The following SLC7A2 variants were observed in gnomAD, a reference collection of about 807,000 sequenced individuals.
The protein encoded by SLC7A2 is cationic amino acid transporter 2.
SLC7A2 carries 48 observed loss-of-function variants against 58.9 expected under a neutral mutation model. The observed-to-expected ratio is 0.82, with a 90% confidence interval of 0.65 to 1.04. The LOEUF (loss-of-function observed/expected upper bound fraction) is 1.04, where lower values mean the gene tolerates loss of function less well. SLC7A2 is among the 50% of genes least tolerant of loss of function. The pLI is 0.00. For missense variants in SLC7A2, 1,029 were observed against 818.8 expected, an observed-to-expected ratio of 1.26 and a Z score of -3.13; for synonymous variants, 363 against 314.5, an observed-to-expected ratio of 1.15 and a Z score of -1.63.
chr8:17,530,724 C>T (rs895824356), intron 2 of SLC7A2, among the ~76,000 whole-genome samples: 3 of 151,972 alleles, frequency 2.0e-5, no homozygotes, highest in Admixed American at 2.0e-4. Context: ...AGGGACGTGC[C>T]ACCATGCCTG....
At chr8:17,505,576 C>G (rs148820030) in intron 2 of SLC7A2, among the ~76,000 whole-genome samples, 123 of 152,244 alleles carry the variant, frequency 8.1e-4, no homozygotes, top group Middle Eastern at 6.8e-3. Context: ...GATTCTTAGA[C>G]TCGTAGATTT....
chr8:17,569,711 A>G lies in SLC7A2; in HGVS notation c.*4565A>G, dbSNP rs1010825463. The G allele has an allele frequency of 1.3e-5, 2 of 152,108 alleles. No homozygotes were observed. The highest frequency in any genetic ancestry group is 4.8e-5 in the African/African-American group (2 of 41,414). 9.4% of individuals were successfully genotyped at this position (152,108 alleles called of 1,614,324 possible). A position where few individuals can be genotyped will look rare whatever the true frequency, so the allele number is the denominator to read the frequency against. ...GTTTAGTCTTACTGATTTCAAATGCATTTTGTTATTGCTCAACCCAACTGG... is the reference window on the plus strand; with the variant it reads ...GTTTAGTCTTACTGATTTCAAATGCGTTTTGTTATTGCTCAACCCAACTGG... On this transcript the variant is annotated 3_prime_UTR_variant, in exon 13 of 13. Transcript: ENST00000494857.
At chr8:17,496,716 G>C (rs2588199), upstream of SLC7A2, among the ~76,000 whole-genome samples, 147,599 of 152,254 alleles carry the variant, frequency 0.97, 71,689 homozygotes, top group East Asian at 1. Flanking sequence ...CAAAATCTTT[G>C]TAGAATGGAA....
rs754691931 is a variant in SLC7A2, at chr8:17,569,055, A to G, written c.*3909A>G. Reference sequence around the variant, plus strand: ...TAAATGCTTAGCAGGAAGCATAAGGAAAAGCCATCGGCCTCCAATACCCAT... The same window carrying G: ...TAAATGCTTAGCAGGAAGCATAAGGGAAAGCCATCGGCCTCCAATACCCAT... On this transcript the variant is annotated 3_prime_UTR_variant, in exon 13 of 13. Coordinates refer to ENST00000494857, the MANE Select transcript of SLC7A2 (RefSeq NM_001370338.1). The G allele has an allele frequency of 6.6e-6, 1 of 152,204 alleles. No individual in the cohort carries two copies. Among genetic ancestry groups the G allele is most frequent in the African/African-American group, 2.4e-5 (1 of 41,452 alleles). 9.4% of individuals were successfully genotyped at this position (152,204 alleles called of 1,614,324 possible).
chr8:17,515,823 C>T (rs1177150743), intron 2 of SLC7A2, among the ~76,000 whole-genome samples: 2 of 152,208 alleles, frequency 1.3e-5, no homozygotes, highest in African/African-American at 4.8e-5. Flanking sequence ...AACTGTTCCA[C>T]AAAATTCCTC....
intron 2 of SLC7A2, among the ~76,000 whole-genome samples, chr8:17,505,963 T>C (rs1292752804): frequency 1.3e-5 from 2 of 152,252 alleles, no homozygotes; most frequent in Non-Finnish European, 2.9e-5. Flanking sequence ...GCTTAAGGTA[T>C]AATATTGAGA....
chr8:17,548,941 C>G (rs1802310783), intron 5 of SLC7A2, 98 bp downstream of exon 5: 1 of 972,594 alleles, frequency 1.0e-6, no homozygotes, highest in Admixed American at 2.3e-5. Flanking sequence ...AAAGACATAC[C>G]CATGACTGGG....
chr8:17,525,991 ACTAG>A (rs1801208065), intron 2 of SLC7A2, among the ~76,000 whole-genome samples: 1 of 152,170 alleles, frequency 6.6e-6, no homozygotes, highest in Admixed American at 6.6e-5. Context: ...TTCCCTCATG[ACTAG>A]CTAGTGGACT....
At chr8:17,560,919 A>C (rs1178229203) in intron 10 of SLC7A2, among the ~76,000 whole-genome samples, 2 of 152,190 alleles carry the variant, frequency 1.3e-5, no homozygotes, top group African/African-American at 2.4e-5. Context: ...ACAGTTACGT[A>C]ATCATTCATT....
chr8:17,543,533 G>A lies in SLC7A2; in HGVS notation c.194G>A (p.Gly65Asp). The change falls in exon 3 of 13, where the codon GGC becomes GAC. Residue 65 changes from glycine to aspartate, a missense_variant. Gly to Asp is a moderately conservative substitution (Grantham distance 94). Coordinates refer to ENST00000494857, the MANE Select transcript of SLC7A2 (RefSeq NM_001370338.1). ...LAGEVAKADSGPSIVVSFLIA... is the reference protein window; with the variant it reads ...LAGEVAKADSDPSIVVSFLIA... ...GGGGAGGTGGCCAAGGCAGACTCGG[G>A]CCCCAGCATCGTGGTGTCCTTCCTC... 3 of 1,613,220 alleles carry A rather than the reference G, an allele frequency of 1.9e-6. No homozygotes were observed. Among genetic ancestry groups the A allele is most frequent in the Non-Finnish European group, 2.5e-6 (3 of 1,179,572 alleles).
chr8:17,563,753 C>A, intron 12 of SLC7A2, 42 bp downstream of exon 12: 1 of 1,191,026 alleles, frequency 8.4e-7, no homozygotes. Flanking sequence ...ATTTCATGTG[C>A]TGTGATGAGA....
intron 12 of SLC7A2, among the ~76,000 whole-genome samples, chr8:17,564,028 C>G (rs1458847282): frequency 6.6e-6 from 1 of 152,176 alleles, no homozygotes; most frequent in Non-Finnish European, 1.5e-5. Context: ...AGCAAAATGC[C>G]TACATGTCTG....
intron 2 of SLC7A2, among the ~76,000 whole-genome samples, chr8:17,530,183 C>G (rs1036080541): frequency 6.6e-6 from 1 of 152,040 alleles, no homozygotes; most frequent in Non-Finnish European, 1.5e-5. Context: ...TCCCCCCTGC[C>G]CCCCATCCCC....
chr8:17,494,331 A>T (rs1231529923), upstream of SLC7A2, among the ~76,000 whole-genome samples: 3 of 152,220 alleles, frequency 2.0e-5, no homozygotes, highest in Non-Finnish European at 4.4e-5. Context: ...AACCCTTAAG[A>T]GTTCAGACAT....
Position 17,564,978 on chromosome 8 carries a change from T to C in SLC7A2, c.1809T>C (p.Ile603=). The C allele has an allele frequency of 6.2e-7, 1 of 1,610,668 alleles. No individual in the cohort carries two copies. The highest frequency in any genetic ancestry group is 8.5e-7 in the Non-Finnish European group (1 of 1,178,938). ...IGFLIYFSYG[I]RHSLEGHLRD... ...TCCTGATTTACTTTTCTTATGGCATTAGACACAGCCTGGAGGGTCATCTGA... is the reference window on the plus strand; with the variant it reads ...TCCTGATTTACTTTTCTTATGGCATCAGACACAGCCTGGAGGGTCATCTGA... The change falls in exon 13 of 13, where the codon ATT becomes ATC. Residue 603 remains isoleucine (I), a synonymous_variant. Coordinates refer to ENST00000494857, the MANE Select transcript of SLC7A2 (RefSeq NM_001370338.1).
At chr8:17,562,225 ATCTC>A in intron 11 of SLC7A2, 115 bp downstream of exon 11, 1 of 797,612 alleles carries the variant, frequency 1.3e-6, no homozygotes, top group East Asian at 2.9e-5. Context: ...TGGAGATGGA[ATCTC>A]TCTCTTTGTC....
At chr8:17,503,550 C>T (rs1391643403) in intron 2 of SLC7A2, among the ~76,000 whole-genome samples, 1 of 151,696 alleles carries the variant, frequency 6.6e-6, no homozygotes, top group Admixed American at 6.6e-5. Flanking sequence ...CTTGTCCTGA[C>T]AAAAATTCAA....
chr8:17,515,814 A>G (rs1483827526), intron 2 of SLC7A2, among the ~76,000 whole-genome samples: 1 of 152,146 alleles, frequency 6.6e-6, no homozygotes, highest in South Asian at 2.1e-4. Flanking sequence ...TCTAACTAAA[A>G]CTGTTCCACA....
At chr8:17,502,072 A>G (rs1210791347) in intron 1 of SLC7A2, among the ~76,000 whole-genome samples, 185 bp from the exon 2 acceptor site, 1 of 151,656 alleles carries the variant, frequency 6.6e-6, no homozygotes, top group African/African-American at 2.4e-5. Context: ...ACAATTATAT[A>G]TATATATGTA....
Sources: gnomAD v4.1 joint callset for allele counts (sites outside exome capture counted in the v4.1 genomes callset) on GRCh38, gnomAD v4.1.1 for gene constraint, MANE v1.5 for transcripts, NCBI Gene and HGNC (gene_info 2026-07-23, HGNC 2026-07-21) for gene names.